The following DTNA variants were observed in gnomAD, a reference collection of about 807,000 sequenced individuals.
The protein encoded by DTNA is dystrophin-related protein 3.
In DTNA, 43 loss-of-function variants were observed where a neutral mutation model predicts 100.7. The ratio of observed to expected loss-of-function variants is 0.43; its 90% CI spans 0.33 to 0.55. The LOEUF is 0.55. DTNA is among the 20% of genes least tolerant of loss of function. The pLI, the probability that DTNA is intolerant of heterozygous loss-of-function variation, is 0.04. For synonymous variants in DTNA, 349 were observed against 347.9 expected (o/e 1.00, Z -0.04); for missense variants, 798 against 953.9 (o/e 0.84, Z 2.15).
intron 1 of DTNA, among the ~76,000 whole-genome samples, chr18:34,663,402 C>T (rs190449222): frequency 2.1e-3 from 319 of 152,230 alleles, no homozygotes; most frequent in African/African-American, 7.2e-3. Flanking sequence ...CAGGCTCAAG[C>T]GATTCTCCTG....
intron 3 of DTNA, among the ~76,000 whole-genome samples, chr18:34,790,563 A>ATG (rs1322482640): frequency 9.5e-6 from 1 of 104,736 alleles, no homozygotes; most frequent in Non-Finnish European, 1.8e-5. Flanking sequence ...ATATATATAT[A>ATG]TATATTTTTT....
intron 1 of DTNA, among the ~76,000 whole-genome samples, chr18:34,550,760 T>C (rs903327136): frequency 3.3e-5 from 5 of 152,168 alleles, no homozygotes; most frequent in Non-Finnish European, 5.9e-5. Context: ...CTATTACTTC[T>C]AAGAGACAGT....
At chr18:34,733,183 T>C (rs974667305) in intron 1 of DTNA, among the ~76,000 whole-genome samples, 1 of 152,086 alleles carries the variant, frequency 6.6e-6, no homozygotes, top group Non-Finnish European at 1.5e-5. Flanking sequence ...GTCAGTAATG[T>C]AGTGGGGTCT....
Position 34,890,230 on chromosome 18 carries a change from T to C in DTNA, c.*2496T>C, listed in dbSNP as rs1210268762. 4 of 1,493,676 alleles carry C rather than the reference T, an allele frequency of 2.7e-6. No homozygotes were observed. Among genetic ancestry groups the C allele is most frequent in the Non-Finnish European group, 2.7e-6 (3 of 1,127,388 alleles). The allele number at this position is 1,493,676 out of a possible 1,614,324, so 92.5% of individuals were successfully genotyped here. ...TTGTTGATATCGTCATATAAAGCCATTGCAAGGACTCTGGAAACTGCCGCC... is the reference window on the plus strand; with the variant it reads ...TTGTTGATATCGTCATATAAAGCCACTGCAAGGACTCTGGAAACTGCCGCC... On this transcript the variant is annotated 3_prime_UTR_variant, in exon 23 of 23. Transcript: ENST00000444659.
chr18:34,698,520 C>G (rs560994863), intron 1 of DTNA, among the ~76,000 whole-genome samples: 13 of 152,192 alleles, frequency 8.5e-5, no homozygotes, highest in Non-Finnish European at 1.8e-4. Flanking sequence ...TTTACATTCT[C>G]TCCTCTTCTT....
At chr18:34,753,202 C>A (rs1675705109) in intron 1 of DTNA, among the ~76,000 whole-genome samples, 1 of 152,028 alleles carries the variant, frequency 6.6e-6, no homozygotes, top group Non-Finnish European at 1.5e-5. Flanking sequence ...GAGAAACAGA[C>A]AAAGTGTTAA....
intron 17 of DTNA, chr18:34,866,875 C>CTTT: frequency 4.5e-6 from 4 of 895,032 alleles, no homozygotes; most frequent in East Asian, 6.8e-5. Context: ...TCATTACATA[C>CTTT]TTTTTTTTTT....
At chr18:34,781,065 T>C (rs1249001094) in intron 3 of DTNA, among the ~76,000 whole-genome samples, 1 of 152,178 alleles carries the variant, frequency 6.6e-6, no homozygotes, top group Non-Finnish European at 1.5e-5. Context: ...CCAGCCATTG[T>C]CCGGTTGCAG....
chr18:34,650,110 G>T (rs1344426848), intron 1 of DTNA, among the ~76,000 whole-genome samples: 1 of 152,014 alleles, frequency 6.6e-6, no homozygotes, highest in Non-Finnish European at 1.5e-5. Context: ...AGAGTCAAAA[G>T]ACTTAAATTT....
intron 1 of DTNA, among the ~76,000 whole-genome samples, chr18:34,540,015 C>A (rs978909829): frequency 6.6e-6 from 1 of 151,730 alleles, no homozygotes; most frequent in African/African-American, 2.4e-5. Context: ...AACCAAGTGA[C>A]AAATCTGGAC....
chr18:34,699,977 G>C (rs1441467788), intron 1 of DTNA, among the ~76,000 whole-genome samples: 1 of 152,134 alleles, frequency 6.6e-6, no homozygotes, highest in East Asian at 1.9e-4. Flanking sequence ...GCCTTTCTCA[G>C]CACCATTTCT....
At chr18:34,824,393 G>A (rs763844183) in intron 9 of DTNA, among the ~76,000 whole-genome samples, 5 of 151,940 alleles carry the variant, frequency 3.3e-5, no homozygotes, top group African/African-American at 7.3e-5. Flanking sequence ...GGAGAATGGC[G>A]TGAACCAGGG....
chr18:34,537,634 T>C (rs1304933467), intron 1 of DTNA, among the ~76,000 whole-genome samples: 1 of 151,756 alleles, frequency 6.6e-6, no homozygotes, highest in Non-Finnish European at 1.5e-5. Context: ...ATGTGATAAA[T>C]GCAGCAAAAT....
At chr18:34,608,894 A>G (rs2053651245) in intron 1 of DTNA, among the ~76,000 whole-genome samples, 1 of 152,214 alleles carries the variant, frequency 6.6e-6, no homozygotes, top group Admixed American at 6.5e-5. Flanking sequence ...GTGCTATTGT[A>G]TATTGGATCT....
rs2096609280 is a variant in DTNA at position 34,860,391 on chromosome 18, G to A, written c.1646+1993G>A. Among the ~76,000 whole-genome samples, 3 of 151,988 alleles carry A rather than the reference G, an allele frequency of 2.0e-5. No individual in the cohort carries two copies. The South Asian group carries it at 6.2e-4, about 32-fold the overall frequency. ...CCATTCTTTTCATCTTTCAGTTTGG[G>A]TGCCAACTATGTTCCAGGTATATCT... is the stretch of plus-strand genomic sequence containing the variant. On this transcript the variant is annotated intron_variant, in intron 16 of 22. Transcript: ENST00000444659.
At chr18:34,624,137 C>T (rs1287645120) in intron 1 of DTNA, among the ~76,000 whole-genome samples, 1 of 151,566 alleles carries the variant, frequency 6.6e-6, no homozygotes, top group South Asian at 2.1e-4. Flanking sequence ...ATATTTACAT[C>T]AAAAAAGCAA....
intron 1 of DTNA, among the ~76,000 whole-genome samples, chr18:34,682,809 A>G (rs1217786990): frequency 1.3e-5 from 2 of 151,962 alleles, no homozygotes; most frequent in African/African-American, 4.8e-5. Flanking sequence ...TTCGCTTGTC[A>G]TTCTCTTCAA....
At position 34,498,842 on chromosome 18, in the gene DTNA, T is replaced by A. The variant is rs1180146530; in HGVS notation, c.-2+5328T>A. ...AAGTATGCAAACATATAAATCATACTATACATTTATTTTGCATTGCCAAAC... is the reference window on the plus strand; with the variant it reads ...AAGTATGCAAACATATAAATCATACAATACATTTATTTTGCATTGCCAAAC... On this transcript the variant is annotated intron_variant, in intron 1 of 19. Coordinates refer to the DTNA transcript ENST00000283365. Among the ~76,000 whole-genome samples the A allele has an allele frequency of 2.6e-5, 4 of 152,246 alleles. No individual in the cohort carries two copies. In the East Asian group the frequency reaches 5.8e-4, roughly 22 times the overall value.
chr18:34,620,236 A>G (rs1366981754), intron 1 of DTNA, among the ~76,000 whole-genome samples: 2 of 152,212 alleles, frequency 1.3e-5, no homozygotes, highest in Non-Finnish European at 1.5e-5. Context: ...TAAGATTGCT[A>G]TTTGGGAAAT....
Sources: gnomAD v4.1 joint callset for allele counts (sites outside exome capture counted in the v4.1 genomes callset) on GRCh38, gnomAD v4.1.1 for gene constraint, MANE v1.5 for transcripts, NCBI Gene and HGNC (gene_info 2026-07-23, HGNC 2026-07-21) for gene names.